The following PUS7 variants were observed in gnomAD, a reference collection of about 807,000 sequenced individuals.
PUS7 encodes pseudouridine synthase 7.
In PUS7, 48 loss-of-function variants were observed where a neutral mutation model predicts 79.8. The ratio of observed to expected loss-of-function variants is 0.60; its 90% CI spans 0.48 to 0.76. PUS7 has a LOEUF of 0.76. PUS7 is among the 30% of genes least tolerant of loss of function. The pLI is 0.00. For missense variants in PUS7, 729 were observed against 797.6 expected (o/e 0.91, Z 1.04); for synonymous variants, 286 against 272.2 (o/e 1.05, Z -0.50).
intron 13 of PUS7, among the ~76,000 whole-genome samples, 194 bp downstream of exon 13, chr7:105,465,119 G>C (rs574844739): frequency 8.9e-4 from 135 of 152,242 alleles, no homozygotes; most frequent in African/African-American, 3.2e-3. Flanking sequence ...CACCGTGCCT[G>C]ACCTATTTAT....
chr7:105,520,593 G>C (rs1197666921), intron 1 of PUS7, among the ~76,000 whole-genome samples: 1 of 151,948 alleles, frequency 6.6e-6, no homozygotes, highest in Non-Finnish European at 1.5e-5. Context: ...ATGGTGGCGT[G>C]CACATGTAAT....
intron 5 of PUS7, among the ~76,000 whole-genome samples, chr7:105,496,222 T>TAGAGAGAGAGAG (rs1203551594): frequency 1.6e-3 from 137 of 85,010 alleles, no homozygotes; most frequent in Non-Finnish European, 2.5e-3. Flanking sequence ...TATATATATA[T>TAGAGAGAGAGAG]ATATAGAGAG....
intron 11 of PUS7, among the ~76,000 whole-genome samples, chr7:105,469,062 A>C (rs1032538838): frequency 4.0e-5 from 6 of 148,890 alleles, no homozygotes; most frequent in African/African-American, 1.5e-4. Flanking sequence ...CCACCATGCC[A>C]GGCTAGTTCT....
At position 105,462,406 on chromosome 7, in the gene PUS7, T is replaced by G. The variant is rs1440334920; in HGVS notation, c.1757+215A>C. 8.1e-6 allele frequency: 4 copies of G among 491,096 alleles called. No individual in the cohort carries two copies. The South Asian group carries it at 1.0e-4, about 13-fold the overall frequency. 30.4% of individuals were successfully genotyped at this position (491,096 alleles called of 1,614,324 possible). A position where few individuals can be genotyped will look rare whatever the true frequency, so the allele number is the denominator to read the frequency against. On this transcript the variant is annotated intron_variant, in intron 14 of 15. Coordinates refer to ENST00000469408, the MANE Select transcript of PUS7 (RefSeq NM_019042.5). ...GAGATCATGCTATTGTGCTCCAGCC[T>G]GGGTGACTAGTGAAACTCCGTCTCA...
intron 1 of PUS7, among the ~76,000 whole-genome samples, chr7:105,510,669 A>G (rs887211850): frequency 5.3e-5 from 8 of 151,852 alleles, no homozygotes; most frequent in African/African-American, 1.9e-4. Context: ...GTGTACCACC[A>G]CGCCTGGCTA....
At chr7:105,491,040 A>G (rs1824760201) in intron 7 of PUS7, among the ~76,000 whole-genome samples, 1 of 152,118 alleles carries the variant, frequency 6.6e-6, no homozygotes, top group Non-Finnish European at 1.5e-5. Context: ...TCAGCATCCC[A>G]TTTTCTATGA....
chr7:105,493,896 G>A (rs1824899314), intron 6 of PUS7, among the ~76,000 whole-genome samples: 1 of 152,194 alleles, frequency 6.6e-6, no homozygotes, highest in African/African-American at 2.4e-5. Context: ...GTGGTATTTT[G>A]TTATGGAAGT....
intron 13 of PUS7, among the ~76,000 whole-genome samples, chr7:105,463,645 CT>C (rs5886354): frequency 0.95 from 140,592 of 147,414 alleles, 67,124 homozygotes; most frequent in East Asian, 0.98. Flanking sequence ...TTCTGCAGTT[CT>C]TTTTTTTTTT....
intron 5 of PUS7, chr7:105,496,956 G>C: frequency 8.2e-7 from 1 of 1,217,954 alleles, no homozygotes; most frequent in Non-Finnish European, 1.1e-6. Flanking sequence ...GCTCTTACCT[G>C]CTGCAGTTCT....
intron 7 of PUS7, among the ~76,000 whole-genome samples, chr7:105,484,185 A>G (rs1824447257): frequency 1.3e-5 from 2 of 152,146 alleles, no homozygotes; most frequent in Admixed American, 1.3e-4. Context: ...TACTTTTGAA[A>G]TTGTGTAAAA....
chr7:105,467,588 A>T (rs1823710267), intron 12 of PUS7, among the ~76,000 whole-genome samples: 1 of 151,332 alleles, frequency 6.6e-6, no homozygotes, highest in African/African-American at 2.4e-5. Context: ...GCGCCCAGTG[A>T]CTTGAAGAAA....
At position 105,469,777 on chromosome 7, in the gene PUS7, G is replaced by C. The variant is rs937188414; in HGVS notation, c.1398+911C>G. ...GCGGGCCTGTTTTGTATTTTTAGTA[G>C]AGACAAGGTTTCACCACATTGGCCA... On this transcript the variant is annotated intron_variant, in intron 11 of 15. Coordinates refer to ENST00000469408, the MANE Select transcript of PUS7 (RefSeq NM_019042.5). Among the ~76,000 whole-genome samples the C allele has an allele frequency of 1.3e-5, 2 of 152,170 alleles. 1 individual carries two copies. The highest frequency in any genetic ancestry group is 4.1e-4 in the South Asian group (2 of 4,832).
chr7:105,465,461 G>C, intron 12 of PUS7, 47 bp from the exon 13 acceptor site: 1 of 1,333,276 alleles, frequency 7.5e-7, no homozygotes, highest in Non-Finnish European at 1.1e-6. Context: ...AGGCAATATT[G>C]TTATGAACTC....
intron 10 of PUS7, among the ~76,000 whole-genome samples, chr7:105,471,433 T>A (rs1823868746): frequency 6.6e-6 from 1 of 152,232 alleles, no homozygotes; most frequent in Non-Finnish European, 1.5e-5. Context: ...TACACTCAGA[T>A]TTAGTAGTGA....
chr7:105,515,781 T>TTTTA (rs1240369741), intron 1 of PUS7, among the ~76,000 whole-genome samples: 12 of 138,804 alleles, frequency 8.6e-5, no homozygotes, highest in African/African-American at 2.9e-4. Flanking sequence ...AAGTTTTGTA[T>TTTTA]TTTATTTTAT....
rs1253711441 is a variant in PUS7 at position 105,456,757 on chromosome 7, G to GT, written c.*1032dup. ...GAAGAAAGCCTTGTCCATTTTTATA[G>GT]TTTTCTTCTCTACCATTATTTATTT... is the stretch of plus-strand genomic sequence containing the variant. On this transcript the variant is annotated 3_prime_UTR_variant, in exon 16 of 16. Coordinates refer to ENST00000469408, the MANE Select transcript of PUS7 (RefSeq NM_019042.5). 1 of 152,108 alleles carries GT rather than the reference G, an allele frequency of 6.6e-6. No individual in the cohort carries two copies. Among genetic ancestry groups the GT allele is most frequent in the Non-Finnish European group, 1.5e-5 (1 of 68,014 alleles). The allele number at this position is 152,108 out of a possible 1,614,324, so 9.4% of individuals were successfully genotyped here.
intron 11 of PUS7, among the ~76,000 whole-genome samples, chr7:105,469,144 A>G (rs933122787): frequency 4.0e-5 from 6 of 151,714 alleles, no homozygotes; most frequent in Admixed American, 1.3e-4. Context: ...GGTTCAAGCA[A>G]TCCACCAGCC....
At chr7:105,509,184 C>CAAAAAA (rs57095427) in intron 1 of PUS7, among the ~76,000 whole-genome samples, 10 of 55,712 alleles carry the variant, frequency 1.8e-4, no homozygotes, top group African/African-American at 4.5e-4. Flanking sequence ...GACTCCATCT[C>CAAAAAA]AAAAAAAAAA....
intron 8 of PUS7, 110 bp downstream of exon 8, chr7:105,482,202 C>G (rs1398401398): frequency 7.6e-7 from 1 of 1,314,758 alleles, no homozygotes; most frequent in East Asian, 2.3e-5. Flanking sequence ...TGCTGCCACT[C>G]CTGTTCTGTT....
Sources: allele counts gnomAD v4.1 joint callset (sites outside exome capture counted in the v4.1 genomes callset), GRCh38; gene constraint gnomAD v4.1.1; transcripts MANE v1.5; gene names NCBI Gene and HGNC (gene_info 2026-07-23, HGNC 2026-07-21).